KDM5A: variants seen among roughly 807,000 people sequenced by gnomAD.
The protein encoded by KDM5A is lysine demethylase 5A, also known as lysine-specific demethylase 5A.
KDM5A carries 42 observed loss-of-function variants against 193.5 expected under a neutral mutation model. That is an observed-to-expected ratio of 0.22 (90% CI 0.17 to 0.28). The LOEUF is 0.28. KDM5A is among the 10% of genes least tolerant of loss of function. KDM5A has a pLI of 1.00. For synonymous variants in KDM5A, 796 were observed against 718.1 expected (o/e 1.11, Z -1.73); for missense variants, 1,692 against 2,055.1 (o/e 0.82, Z 3.42).
chr12:284,219 T>C lies in KDM5A; in HGVS notation c.*1237A>G, dbSNP rs1943190388. On this transcript the variant is annotated 3_prime_UTR_variant, in exon 28 of 28. Coordinates refer to ENST00000399788, the MANE Select transcript of KDM5A (RefSeq NM_001042603.3). ...GTCATATGCTGCTGGTAACAGTAAA[T>C]ATATATATTTATATATTCATATATG... is the stretch of plus-strand genomic sequence containing the variant. The C allele has an allele frequency of 4.5e-6, 1 of 222,428 alleles. No individual in the cohort carries two copies. Among genetic ancestry groups the C allele is most frequent in the Non-Finnish European group, 9.0e-6 (1 of 111,674 alleles). The allele number at this position is 222,428 out of a possible 1,614,324, so 13.8% of individuals were successfully genotyped here.
intron 4 of KDM5A, 112 bp downstream of exon 4, chr12:365,822 C>T: frequency 2.2e-6 from 2 of 917,530 alleles, no homozygotes; most frequent in Non-Finnish European, 3.6e-6. Flanking sequence ...ATGATATACA[C>T]TTTGCTTCCC....
At chr12:305,971 T>TTTG (rs1943498728) in intron 24 of KDM5A, among the ~76,000 whole-genome samples, 1 of 133,528 alleles carries the variant, frequency 7.5e-6, no homozygotes, top group African/African-American at 3.2e-5. Context: ...ATGGAAGTGT[T>TTTG]TTTTTTTTTT....
intron 17 of KDM5A, among the ~76,000 whole-genome samples, chr12:322,023 AG>A: frequency 6.6e-6 from 1 of 152,180 alleles, no homozygotes. Context: ...GCATCAAAGA[AG>A]GGTAAGAGGA....
At chr12:308,589 G>A (rs536582277) in intron 22 of KDM5A, among the ~76,000 whole-genome samples, 45 of 152,306 alleles carry the variant, frequency 3.0e-4, no homozygotes, top group African/African-American at 9.4e-4. Flanking sequence ...AGAGTTTTAT[G>A]AAACTCATTT....
chr12:384,087 T>C lies in KDM5A; in HGVS notation c.310A>G (p.Thr104Ala), dbSNP rs777288896. The C allele has an allele frequency of 8.7e-6, 14 of 1,608,992 alleles. No individual in the cohort carries two copies. In the East Asian group the frequency reaches 2.9e-4, roughly 33 times the overall value. ...LAKFWELQGS[T>A]LKIPVVERKI... ...CTCTCTACCACAGGGATCTTCAGAG[T>C]AGATCCTTGAAGTTCCCAAAATTTT... is the stretch of plus-strand genomic sequence containing the variant. Residue 104 changes from threonine to alanine, a missense_variant, in exon 3 of 28, where the codon ACT becomes GCT. Transcript: ENST00000399788.
intron 26 of KDM5A, among the ~76,000 whole-genome samples, chr12:295,370 A>G (rs1309425010): frequency 6.6e-6 from 1 of 152,046 alleles, no homozygotes; most frequent in Non-Finnish European, 1.5e-5. Flanking sequence ...GAGAGAAAGA[A>G]AGAAAGAGGG....
intron 19 of KDM5A, 97 bp from the exon 20 acceptor site, chr12:313,291 T>G (rs1943612080): frequency 7.2e-7 from 1 of 1,392,578 alleles, no homozygotes; most frequent in Admixed American, 1.8e-5. Flanking sequence ...ATGATTTCAC[T>G]GAATTCTTAC....
intron 16 of KDM5A, among the ~76,000 whole-genome samples, chr12:322,878 G>A (rs1422649401): frequency 6.6e-6 from 1 of 151,972 alleles, no homozygotes. Context: ...TCAGATGTCC[G>A]GCCCATTTTA....
At chr12:372,967 T>C (rs143496251) in intron 3 of KDM5A, among the ~76,000 whole-genome samples, 242 of 152,312 alleles carry the variant, frequency 1.6e-3, no homozygotes, top group Admixed American at 3.5e-3. Flanking sequence ...GGATAAGCTT[T>C]TTGATGTGCT....
chr12:315,603 G>C (rs992896385), intron 19 of KDM5A, among the ~76,000 whole-genome samples: 6 of 150,448 alleles, frequency 4.0e-5, no homozygotes, highest in Admixed American at 1.3e-4. Flanking sequence ...GGGTGAAAAA[G>C]AATGAGTATA....
intron 25 of KDM5A, 116 bp downstream of exon 25, chr12:296,925 T>C (rs1197487240): frequency 9.2e-7 from 1 of 1,092,550 alleles, no homozygotes; most frequent in South Asian, 1.4e-5. Context: ...TCCATTAGTA[T>C]TTCATGGCCA....
chr12:356,664 A>G (rs1944233088), intron 5 of KDM5A, 127 bp from the exon 6 acceptor site: 1 of 694,914 alleles, frequency 1.4e-6, no homozygotes, highest in African/African-American at 1.8e-5. Flanking sequence ...TTTTCTGTAA[A>G]TCCACTCACT....
chr12:371,139 G>A (rs112667503), intron 3 of KDM5A, among the ~76,000 whole-genome samples: 12 of 152,322 alleles, frequency 7.9e-5, no homozygotes, highest in African/African-American at 2.6e-4. Flanking sequence ...CCAGTAATGG[G>A]ATGGCTGGGT....
chr12:326,778 T>C (rs941592756), intron 14 of KDM5A, among the ~76,000 whole-genome samples: 4 of 141,016 alleles, frequency 2.8e-5, no homozygotes, highest in Admixed American at 1.6e-4. Flanking sequence ...GGTAGGAGAA[T>C]GGCGTGGACC....
At chr12:377,426 C>G (rs1008995429) in intron 3 of KDM5A, among the ~76,000 whole-genome samples, 1 of 151,836 alleles carries the variant, frequency 6.6e-6, no homozygotes, top group Non-Finnish European at 1.5e-5. Context: ...TAAACACATA[C>G]CAATGCATAT....
At chr12:314,585 A>G (rs1021806473) in intron 19 of KDM5A, among the ~76,000 whole-genome samples, 2 of 152,172 alleles carry the variant, frequency 1.3e-5, no homozygotes, top group African/African-American at 4.8e-5. Flanking sequence ...TAAAAGTGCT[A>G]TTGGAATACA....
chr12:323,900 G>A (rs532481931), intron 14 of KDM5A, 119 bp from the exon 15 acceptor site: 8 of 798,046 alleles, frequency 1.0e-5, no homozygotes, highest in Non-Finnish European at 1.5e-5. Flanking sequence ...AAACATGAAA[G>A]GTACAATGGC....
Position 350,851 on chromosome 12 carries a change from G to C in KDM5A, c.1150-72C>G, listed in dbSNP as rs1944148674. 16 of 1,346,426 alleles carry C rather than the reference G, an allele frequency of 1.2e-5. No individual in the cohort carries two copies. The South Asian group carries it at 1.9e-4, about 16-fold the overall frequency. The allele number at this position is 1,346,426 out of a possible 1,614,324, so 83.4% of individuals were successfully genotyped here. A position where few individuals can be genotyped will look rare whatever the true frequency, so the allele number is the denominator to read the frequency against. On this transcript the variant is annotated intron_variant, in intron 9 of 27. Transcript: ENST00000399788. ...ATAACCCATATAACATAATACACAGGATCAAGTAAACACAAACCCATGATG... is the reference window on the plus strand; with the variant it reads ...ATAACCCATATAACATAATACACAGCATCAAGTAAACACAAACCCATGATG...
rs1565529790 is a variant in KDM5A at position 311,044 on chromosome 12, A to G, written c.3057T>C (p.Tyr1019=). 1 of 1,614,066 alleles carries G rather than the reference A, an allele frequency of 6.2e-7. No homozygotes were observed. The highest frequency in any genetic ancestry group is 1.3e-5 in the African/African-American group (1 of 74,924). The change falls in exon 21 of 28, where the codon TAT becomes TAC. Residue 1019 remains tyrosine, a synonymous_variant. Transcript: ENST00000399788. The stretch of plus-strand genomic sequence containing the variant: ...CAGACAAGCTCTCAAGCTGCTCCAA[A>G]TAAGCGTAATTGCTGCCACTCTGAA... ...EAIQSGSNYA[Y]LEQLESLSAK...
Sources: gnomAD v4.1 joint callset for allele counts (sites outside exome capture counted in the v4.1 genomes callset) on GRCh38, gnomAD v4.1.1 for gene constraint, MANE v1.5 for transcripts, NCBI Gene and HGNC (gene_info 2026-07-23, HGNC 2026-07-21) for gene names.